Variants in UNC13C observed in about 807,000 individuals in gnomAD.
UNC13C encodes unc-13 homolog C, also known as protein unc-13 homolog C.
In UNC13C, 174 loss-of-function variants were observed where a neutral mutation model predicts 245.4. That is an observed-to-expected ratio of 0.71 (90% CI 0.63 to 0.80). The LOEUF (loss-of-function observed/expected upper bound fraction) is 0.80, where lower values mean the gene tolerates loss of function less well. UNC13C is among the 30% of genes least tolerant of loss of function. The pLI, the probability that UNC13C is intolerant of heterozygous loss-of-function variation, is 0.00. For missense variants in UNC13C, 2,829 were observed against 2,602.9 expected, an observed-to-expected ratio of 1.09 and a Z score of -1.89; for synonymous variants, 992 against 895.1, an observed-to-expected ratio of 1.11 and a Z score of -1.93.
At chr15:54,111,272 C>A (rs999886000) in intron 2 of UNC13C, among the ~76,000 whole-genome samples, 1 of 152,196 alleles carries the variant, frequency 6.6e-6, no homozygotes, top group African/African-American at 2.4e-5. Flanking sequence ...AACATCAAAT[C>A]ATTTAAACCT....
At chr15:54,450,959 A>G (rs1329864703) in intron 19 of UNC13C, among the ~76,000 whole-genome samples, 1 of 152,156 alleles carries the variant, frequency 6.6e-6, no homozygotes, top group Non-Finnish European at 1.5e-5. Context: ...CTTGTCAGGG[A>G]AAGACTTTAT....
chr15:54,464,461 ATTAT>A (rs1197721954), intron 19 of UNC13C, among the ~76,000 whole-genome samples: 10 of 152,118 alleles, frequency 6.6e-5, no homozygotes, highest in Non-Finnish European at 1.0e-4. Flanking sequence ...AAACATTATA[ATTAT>A]TTATTAGTTG....
intron 2 of UNC13C, among the ~76,000 whole-genome samples, chr15:54,085,608 T>G (rs988917679): frequency 3.3e-5 from 5 of 151,968 alleles, no homozygotes; most frequent in African/African-American, 1.2e-4. Flanking sequence ...CAATAAAATT[T>G]TATTTATTTA....
chr15:54,325,716 A>G (rs2038283287), intron 14 of UNC13C, among the ~76,000 whole-genome samples: 1 of 152,044 alleles, frequency 6.6e-6, no homozygotes, highest in Non-Finnish European at 1.5e-5. Context: ...AATTTTTTAT[A>G]AAATACCTTA....
At chr15:53,983,547 A>G (rs1349455147) in intron 1 of UNC13C, among the ~76,000 whole-genome samples, 2 of 152,152 alleles carry the variant, frequency 1.3e-5, no homozygotes, top group East Asian at 3.9e-4. Context: ...GCTTAATTAC[A>G]CAAAAACTTG....
chr15:54,153,164 T>C (rs533154527), intron 4 of UNC13C, among the ~76,000 whole-genome samples: 1 of 152,134 alleles, frequency 6.6e-6, no homozygotes, highest in African/African-American at 2.4e-5. Context: ...TGCACTGTAA[T>C]CCATATTTTC....
At chr15:54,114,114 G>C (rs2030034302) in intron 2 of UNC13C, among the ~76,000 whole-genome samples, 1 of 152,048 alleles carries the variant, frequency 6.6e-6, no homozygotes. Flanking sequence ...AAAAACACTA[G>C]TATGTAAATT....
chr15:54,296,382 T>A (rs2037433417), intron 11 of UNC13C, among the ~76,000 whole-genome samples: 1 of 91,920 alleles, frequency 1.1e-5, no homozygotes, highest in East Asian at 3.5e-4. Context: ...TTTTTTTTTT[T>A]ATTTTTTTTT....
chr15:53,900,448 ATGGTGACAGAGAAATGTTTATTTAC>A, the UNC13C span, among the ~76,000 whole-genome samples: 2 of 152,182 alleles, frequency 1.3e-5, no homozygotes, highest in Non-Finnish European at 2.9e-5. Context: ...TTTACTAGCC[ATGGTGACAGAGAAATGTTTATTTAC>A]TGTAAACAAT....
chr15:54,025,390 T>G (rs2141010005), intron 2 of UNC13C, among the ~76,000 whole-genome samples: 1 of 152,338 alleles, frequency 6.6e-6, no homozygotes, highest in Non-Finnish European at 1.5e-5. Flanking sequence ...AATTCCTTTC[T>G]TATGTGCCAG....
chr15:53,867,812 G>A, the UNC13C span, among the ~76,000 whole-genome samples: 2 of 151,992 alleles, frequency 1.3e-5, no homozygotes, highest in Non-Finnish European at 2.9e-5. Flanking sequence ...CTTGTTCAAG[G>A]TTAAATAACA....
chr15:54,144,924 T>A (rs2032189236), intron 4 of UNC13C, among the ~76,000 whole-genome samples: 1 of 152,032 alleles, frequency 6.6e-6, no homozygotes, highest in Admixed American at 6.6e-5. Flanking sequence ...TATAGAGAGA[T>A]ATCTATATAA....
intron 4 of UNC13C, among the ~76,000 whole-genome samples, chr15:54,149,329 T>C (rs2032417641): frequency 6.6e-6 from 1 of 152,172 alleles, no homozygotes; most frequent in African/African-American, 2.4e-5. Flanking sequence ...TAGGGAACAG[T>C]TTCCTTTCCC....
rs979604836 is a variant in UNC13C at position 54,180,627 on chromosome 15, G to A, written c.3071+36943G>A. Among the ~76,000 whole-genome samples the A allele has an allele frequency of 4.6e-5, 7 of 152,104 alleles. No homozygotes were observed. In the South Asian group the frequency reaches 1.0e-3, roughly 23 times the overall value. On this transcript the variant is annotated intron_variant, in intron 4 of 32. Coordinates refer to ENST00000260323, the MANE Select transcript of UNC13C (RefSeq NM_001080534.3). ...ATTTACATTCCCACTAAGTGTATAA[G>A]TGATCCCTTTTCTCTGCATCCTCAC... is the stretch of plus-strand genomic sequence containing the variant.
intron 13 of UNC13C, 124 bp from the exon 14 acceptor site, chr15:54,321,815 T>G: frequency 1.0e-6 from 1 of 982,504 alleles, no homozygotes; most frequent in South Asian, 1.7e-5. Flanking sequence ...AATTAGAGAT[T>G]GTGCAGTTTT....
rs371714371 is a variant in UNC13C, at chr15:54,587,688, A to G, written c.6106+19741A>G. Among the ~76,000 whole-genome samples, 265 of 152,268 alleles carry G rather than the reference A, an allele frequency of 1.7e-3. 1 individual carries two copies. The highest frequency in any genetic ancestry group is 6.1e-3 in the African/African-American group (254 of 41,536). Reference sequence around the variant, plus strand: ...TGGCAATCAGACTTGGAGGAAGGCAAGTGAAGGCCAGGTGAGAATGAGCCT... The same window carrying G: ...TGGCAATCAGACTTGGAGGAAGGCAGGTGAAGGCCAGGTGAGAATGAGCCT... On this transcript the variant is annotated intron_variant, in intron 30 of 32. Coordinates refer to ENST00000260323, the MANE Select transcript of UNC13C (RefSeq NM_001080534.3).
downstream of UNC13C, chr15:54,629,997 C>G (rs1025179116): frequency 2.0e-5 from 3 of 152,136 alleles, no homozygotes; most frequent in Admixed American, 6.5e-5. Flanking sequence ...AGAACAAAGC[C>G]TGTTATATTT....
At chr15:53,950,696 T>C in the UNC13C span, among the ~76,000 whole-genome samples, 3 of 152,090 alleles carry the variant, frequency 2.0e-5, no homozygotes, top group East Asian at 5.8e-4. Flanking sequence ...CTGGAGAAAA[T>C]CACATTTGAT....
intron 17 of UNC13C, among the ~76,000 whole-genome samples, chr15:54,374,798 T>C (rs1309303790): frequency 6.6e-6 from 1 of 152,216 alleles, no homozygotes; most frequent in Non-Finnish European, 1.5e-5. Flanking sequence ...CCTCGCCGGC[T>C]GGCTGCAGCT....
Sources: gnomAD v4.1 joint callset for allele counts (sites outside exome capture counted in the v4.1 genomes callset) on GRCh38, gnomAD v4.1.1 for gene constraint, MANE v1.5 for transcripts, NCBI Gene and HGNC (gene_info 2026-07-23, HGNC 2026-07-21) for gene names.